The following VAC14 variants were observed in gnomAD, a reference collection of about 807,000 sequenced individuals.
VAC14 encodes the protein protein VAC14 homolog.
In VAC14, 47 loss-of-function variants were observed where a neutral mutation model predicts 85.3. The ratio of observed to expected loss-of-function variants is 0.55; its 90% confidence interval spans 0.44 to 0.70. The LOEUF is 0.70. Among genes scored for constraint, VAC14 ranks in the 30% least tolerant of loss-of-function variants. The pLI is 0.00. For synonymous variants in VAC14, 447 were observed against 430.5 expected (o/e 1.04, Z -0.47); for missense variants, 861 against 1,004.3 (o/e 0.86, Z 1.93).
At chr16:70,780,141 C>A (rs1389254091) in intron 9 of VAC14, among the ~76,000 whole-genome samples, 1 of 151,616 alleles carries the variant, frequency 6.6e-6, no homozygotes, top group Non-Finnish European at 1.5e-5. Context: ...CCCAGCCCGG[C>A]CATAAATGTG....
chr16:70,786,554 T>C, intron 1 of VAC14, 189 bp from the exon 2 acceptor site: 7 of 664,648 alleles, frequency 1.1e-5, no homozygotes, highest in Non-Finnish European at 1.7e-5. Context: ...GGTCTCAGTT[T>C]CCCTTTGTGT....
chr16:70,743,905 G>A (rs1395055579), intron 13 of VAC14, among the ~76,000 whole-genome samples: 3 of 152,290 alleles, frequency 2.0e-5, no homozygotes, highest in Admixed American at 6.5e-5. Flanking sequence ...GGAAGGGACC[G>A]AGGGGCGAGT....
chr16:70,759,871 G>C (rs1268307057), intron 12 of VAC14, among the ~76,000 whole-genome samples: 1 of 152,178 alleles, frequency 6.6e-6, no homozygotes, highest in Non-Finnish European at 1.5e-5. Flanking sequence ...CCAGGCTTTA[G>C]TGCCAAACAG....
At chr16:70,775,764 C>A (rs1597992001) in intron 9 of VAC14, among the ~76,000 whole-genome samples, 1 of 152,190 alleles carries the variant, frequency 6.6e-6, no homozygotes, top group Admixed American at 6.5e-5. Context: ...TTTAGAAATA[C>A]CCACATTTAT....
chr16:70,789,140 C>CAA (rs1156321868), intron 1 of VAC14, among the ~76,000 whole-genome samples: 7 of 152,176 alleles, frequency 4.6e-5, no homozygotes, highest in Admixed American at 6.5e-5. Flanking sequence ...CAAGACTAAA[C>CAA]GCAGAATGCG....
chr16:70,731,313 T>G, intron 14 of VAC14, 182 bp downstream of exon 14: 1 of 1,446,932 alleles, frequency 6.9e-7, no homozygotes, highest in Non-Finnish European at 9.1e-7. Context: ...GTCTGTTTCA[T>G]GTCAGAAGCA....
rs1259416570 is a variant in VAC14, at chr16:70,800,781, T to C, written c.104+16A>G. 2.5e-6 allele frequency: 4 copies of C among 1,602,498 alleles called. No homozygotes were observed. Among genetic ancestry groups the C allele is most frequent in the Non-Finnish European group, 3.4e-6 (4 of 1,172,436 alleles). ...CAGGGGCTGCATAGCCAGGGAGGGG[T>C]CCTGGCGGCTCTTACTTCTCGATCT... On this transcript the variant is annotated intron_variant, in intron 1 of 18. Transcript: ENST00000261776.
intron 14 of VAC14, among the ~76,000 whole-genome samples, chr16:70,730,502 G>A (rs1309308071): frequency 6.6e-6 from 1 of 151,736 alleles, no homozygotes; most frequent in Non-Finnish European, 1.5e-5. Context: ...CATGGTAGTC[G>A]GTAGTCTACT....
At chr16:70,781,074 A>C in intron 8 of VAC14, 135 bp from the exon 9 acceptor site, 1 of 1,278,878 alleles carries the variant, frequency 7.8e-7, no homozygotes, top group Non-Finnish European at 1.1e-6. Flanking sequence ...GATCCCTCAC[A>C]AATGGCTTGG....
intron 18 of VAC14, chr16:70,689,658 G>A (rs1010737864): frequency 4.3e-5 from 42 of 985,548 alleles, no homozygotes; most frequent in East Asian, 1.1e-4. Context: ...CTACGGCTGC[G>A]GCTGCTGCTT....
At chr16:70,696,860 T>G (rs1282295245) in intron 16 of VAC14, 1 of 374,710 alleles carries the variant, frequency 2.7e-6, no homozygotes, top group Admixed American at 3.9e-5. Flanking sequence ...CGCTGGCACC[T>G]GCCGGGCTGG....
At chr16:70,770,330 C>T (rs2033123805) in intron 10 of VAC14, 1 of 152,472 alleles carries the variant, frequency 6.6e-6, no homozygotes, top group Non-Finnish European at 1.5e-5. Flanking sequence ...GCCCCCATCC[C>T]CTCTGATGGG....
chr16:70,731,675 C>T, intron 13 of VAC14, 48 bp from the exon 14 acceptor site: 1 of 1,558,650 alleles, frequency 6.4e-7, no homozygotes, highest in Non-Finnish European at 8.7e-7. Context: ...TATGTGTCCA[C>T]AGGGTGATGA....
At chr16:70,794,359 T>G (rs1427410092) in intron 1 of VAC14, among the ~76,000 whole-genome samples, 2 of 152,278 alleles carry the variant, frequency 1.3e-5, no homozygotes, top group African/African-American at 4.8e-5. Flanking sequence ...ATTTTGGCCA[T>G]TTTATACAAA....
chr16:70,702,849 C>T (rs11649476), intron 14 of VAC14, among the ~76,000 whole-genome samples: 50,971 of 152,090 alleles, frequency 0.34, 10,646 homozygotes, highest in Non-Finnish European at 0.46. Flanking sequence ...GGAGTTCCCA[C>T]GCACCTGGCA....
At chr16:70,696,800 G>A in intron 16 of VAC14, 1 of 289,466 alleles carries the variant, frequency 3.5e-6, no homozygotes, top group Non-Finnish European at 6.8e-6. Flanking sequence ...TTCTCCCAGG[G>A]GCAGGAGCTG....
At chr16:70,697,000 T>G in intron 16 of VAC14, 139 bp downstream of exon 16, 1 of 663,750 alleles carries the variant, frequency 1.5e-6, no homozygotes, top group Non-Finnish European at 2.7e-6. Flanking sequence ...GCAGCCCTGA[T>G]GTCACAAGCC....
At chr16:70,792,423 G>A (rs369521715) in intron 1 of VAC14, among the ~76,000 whole-genome samples, 9 of 152,256 alleles carry the variant, frequency 5.9e-5, no homozygotes, top group African/African-American at 1.9e-4. Context: ...CATGGACATC[G>A]CTGTCTTATA....
At chr16:70,695,232 CT>C (rs1567520447) in intron 17 of VAC14, among the ~76,000 whole-genome samples, 1 of 151,970 alleles carries the variant, frequency 6.6e-6, no homozygotes, top group Non-Finnish European at 1.5e-5. Context: ...CTACCTCAGC[CT>C]TCTGAGTAGT....
Sources: gnomAD v4.1 joint callset for allele counts (sites outside exome capture counted in the v4.1 genomes callset) on GRCh38, gnomAD v4.1.1 for gene constraint, MANE v1.5 for transcripts, NCBI Gene and HGNC (gene_info 2026-07-23, HGNC 2026-07-21) for gene names.